Variants in JARID2 observed in about 807,000 individuals in gnomAD.
JARID2 encodes the protein jumonji and AT-rich interaction domain containing 2.
Under a neutral mutation model 125.6 loss-of-function variants are expected in JARID2, and 21 were observed. The observed-to-expected ratio is 0.17, with a 90% CI of 0.12 to 0.24. The LOEUF is 0.24. Among genes scored for constraint, JARID2 ranks in the 10% least tolerant of loss-of-function variants. The pLI, the probability that JARID2 is intolerant of heterozygous loss-of-function variation, is 1.00. For synonymous variants in JARID2, 736 were observed against 661.6 expected, an observed-to-expected ratio of 1.11 and a Z score of -1.73; for missense variants, 1,303 against 1,639.6, an observed-to-expected ratio of 0.79 and a Z score of 3.55.
intron 1 of JARID2, among the ~76,000 whole-genome samples, chr6:15,264,738 C>G (rs527687100): frequency 1.3e-5 from 2 of 152,042 alleles, no homozygotes; most frequent in Non-Finnish European, 2.9e-5. Context: ...TCTGCCGGGC[C>G]GCTTTTATGT....
At chr6:15,432,449 AAACAACAACAACAACAAC>A (rs35484962) in intron 3 of JARID2, among the ~76,000 whole-genome samples, 1 of 145,034 alleles carries the variant, frequency 6.9e-6, no homozygotes, top group East Asian at 2.0e-4. Flanking sequence ...TCACCTTCAA[AAACAACAACAACAACAAC>A]AACAACAACA....
intron 1 of JARID2, among the ~76,000 whole-genome samples, chr6:15,357,112 C>T (rs2127490002): frequency 6.6e-6 from 1 of 152,334 alleles, no homozygotes; most frequent in Non-Finnish European, 1.5e-5. Flanking sequence ...GAAAGACCAT[C>T]TCTAGGGAAC....
intron 1 of JARID2, among the ~76,000 whole-genome samples, chr6:15,328,444 A>G (rs1206211208): frequency 6.6e-6 from 1 of 152,196 alleles, no homozygotes; most frequent in African/African-American, 2.4e-5. Flanking sequence ...ACCTGTAGTT[A>G]CTTGAAATGC....
intron 1 of JARID2, among the ~76,000 whole-genome samples, chr6:15,321,706 T>G (rs2127441529): frequency 6.6e-6 from 1 of 152,224 alleles, no homozygotes; most frequent in East Asian, 1.9e-4. Flanking sequence ...CAGAAATGCT[T>G]TCTTTGAAGA....
chr6:15,419,724 C>T (rs1342340962), intron 3 of JARID2, among the ~76,000 whole-genome samples: 1 of 152,196 alleles, frequency 6.6e-6, no homozygotes, highest in East Asian at 1.9e-4. Context: ...TCCCGATGTG[C>T]ATCATTTCTG....
chr6:15,454,442 C>T (rs1220253681), intron 4 of JARID2, among the ~76,000 whole-genome samples: 1 of 152,108 alleles, frequency 6.6e-6, no homozygotes, highest in East Asian at 1.9e-4. Flanking sequence ...GTGGGGTTCC[C>T]ACCAGTTTAT....
chr6:15,470,663 T>C (rs189046913), intron 5 of JARID2, among the ~76,000 whole-genome samples: 97 of 152,258 alleles, frequency 6.4e-4, no homozygotes, highest in African/African-American at 2.2e-3. Context: ...AAATACAAAA[T>C]GTAACTACAT....
At chr6:15,497,941 A>T (rs1205262861) in intron 7 of JARID2, among the ~76,000 whole-genome samples, 1 of 152,058 alleles carries the variant, frequency 6.6e-6, no homozygotes, top group Non-Finnish European at 1.5e-5. Flanking sequence ...TCCTACCTCT[A>T]TGTGTGTCTG....
At chr6:15,472,824 A>G (rs1050417262) in intron 5 of JARID2, among the ~76,000 whole-genome samples, 1 of 152,222 alleles carries the variant, frequency 6.6e-6, no homozygotes, top group East Asian at 1.9e-4. Flanking sequence ...CTTCCTGGGC[A>G]TGTCCCTCTG....
chr6:15,247,138 G>C (rs953285544), intron 1 of JARID2, among the ~76,000 whole-genome samples: 3 of 152,148 alleles, frequency 2.0e-5, no homozygotes, highest in African/African-American at 7.2e-5. Context: ...ATGTTACAGC[G>C]AATGCATTTG....
chr6:15,446,095 C>A (rs891640118), intron 3 of JARID2, among the ~76,000 whole-genome samples: 1 of 152,194 alleles, frequency 6.6e-6, no homozygotes, highest in Non-Finnish European at 1.5e-5. Flanking sequence ...CAGTCTGCCC[C>A]TCTGCTCAGA....
chr6:15,420,849 A>G (rs545780053), intron 3 of JARID2, among the ~76,000 whole-genome samples: 13 of 152,282 alleles, frequency 8.5e-5, no homozygotes, highest in African/African-American at 2.4e-4. Context: ...TTGATGTCCT[A>G]TGGATTATGT....
chr6:15,260,322 A>C (rs956543813), intron 1 of JARID2, among the ~76,000 whole-genome samples: 4 of 152,184 alleles, frequency 2.6e-5, no homozygotes, highest in African/African-American at 9.7e-5. Flanking sequence ...GTCTTTAAAA[A>C]TGTTTTGAAA....
At chr6:15,502,160 C>A (rs1199207707) in intron 8 of JARID2, among the ~76,000 whole-genome samples, 1 of 152,252 alleles carries the variant, frequency 6.6e-6, no homozygotes, top group Non-Finnish European at 1.5e-5. Context: ...GGTCTCCCGG[C>A]AGCACACTCA....
chr6:15,298,869 A>G (rs765406235), intron 1 of JARID2, among the ~76,000 whole-genome samples: 5 of 151,984 alleles, frequency 3.3e-5, no homozygotes, highest in Non-Finnish European at 5.9e-5. Context: ...GTGAACATTT[A>G]TACATGTATT....
chr6:15,473,052 G>GTA (rs1769154768), intron 5 of JARID2, among the ~76,000 whole-genome samples: 1 of 94,002 alleles, frequency 1.1e-5, no homozygotes, highest in Admixed American at 1.1e-4. Flanking sequence ...GAATACCCGT[G>GTA]TTAGGAAAGA....
chr6:15,437,554 T>A (rs1392503090), intron 3 of JARID2, among the ~76,000 whole-genome samples: 2 of 152,228 alleles, frequency 1.3e-5, no homozygotes, highest in East Asian at 3.9e-4. Context: ...AAACGTATTT[T>A]AAAAAGAGGA....
At chr6:15,347,035 G>A (rs1046825138) in intron 1 of JARID2, among the ~76,000 whole-genome samples, 9 of 152,042 alleles carry the variant, frequency 5.9e-5, no homozygotes, top group African/African-American at 1.9e-4. Context: ...TTCCCTGGCA[G>A]TAATTGTAAT....
At chr6:15,391,343 C>A (rs1390891498) in intron 2 of JARID2, among the ~76,000 whole-genome samples, 1 of 152,092 alleles carries the variant, frequency 6.6e-6, no homozygotes, top group Non-Finnish European at 1.5e-5. Context: ...AGGAGGGGTA[C>A]CCCACAGACT....
Sources: allele counts gnomAD v4.1 joint callset (sites outside exome capture counted in the v4.1 genomes callset), GRCh38; gene constraint gnomAD v4.1.1; transcripts MANE v1.5; gene names NCBI Gene and HGNC (gene_info 2026-07-23, HGNC 2026-07-21).